NIPSNAP3B: variants seen among roughly 807,000 people sequenced by gnomAD.
NIPSNAP3B encodes nipsnap homolog 3B.
A neutral mutation model predicts 31.5 loss-of-function variants in NIPSNAP3B; 30 were observed. The ratio of observed to expected loss-of-function variants is 0.95; its 90% CI spans 0.71 to 1.29. NIPSNAP3B has a LOEUF of 1.29. Among genes scored for constraint, NIPSNAP3B ranks in the 50% most tolerant of loss-of-function variants. The pLI, the probability that NIPSNAP3B is intolerant of heterozygous loss-of-function variation, is 0.00. For synonymous variants in NIPSNAP3B, 106 were observed against 107.9 expected (o/e 0.98, Z 0.11); for missense variants, 269 against 300.7 (o/e 0.89, Z 0.78).
At position 104,770,231 on chromosome 9, in the gene NIPSNAP3B, C is replaced by T. The variant is rs532700671; in HGVS notation, c.431-618C>T. ...ATCTACCTTGTCCTCTAGTTTCTTT[C>T]TCTCCACCCATCTTATACTTCTGGC... On this transcript the variant is annotated intron_variant, in intron 3 of 5. Coordinates refer to ENST00000374762, the MANE Select transcript of NIPSNAP3B (RefSeq NM_018376.4). Among the ~76,000 whole-genome samples, 18 of 152,114 alleles carry T rather than the reference C, an allele frequency of 1.2e-4. No individual in the cohort carries two copies. The South Asian group carries it at 1.2e-3, about 11-fold the overall frequency.
chr9:104,769,726 A>AT (rs1477543538), intron 3 of NIPSNAP3B, among the ~76,000 whole-genome samples: 3 of 152,176 alleles, frequency 2.0e-5, no homozygotes, highest in Non-Finnish European at 4.4e-5. Context: ...ATATAAAAGT[A>AT]TTTTTTCCAC....
At chr9:104,772,718 A>G (rs775487776) in intron 4 of NIPSNAP3B, 104 bp from the exon 5 acceptor site, 99 of 1,362,278 alleles carry the variant, frequency 7.3e-5, no homozygotes, top group Non-Finnish European at 9.6e-5. Flanking sequence ...TTACCTTTTG[A>G]TTTTGATTTA....
chr9:104,786,966 G>T, the NIPSNAP3B span: 1 of 1,613,958 alleles, frequency 6.2e-7, no homozygotes. Context: ...CATGCCTGTG[G>T]TGGGTTCATC....
In NIPSNAP3B at chr9:104,766,530, A is replaced by G; in HGVS notation, c.266A>G (p.Lys89Arg). ...ACGAATAAAGTGTTTCATATTTGGA[A>G]GTATGGTAAAGAGTCATCCAGTTTT... ...GRTNKVFHIWKYDNFAHRAEV... is the reference protein window; with the variant it reads ...GRTNKVFHIWRYDNFAHRAEV... Residue 89 changes from lysine to arginine, a missense_variant, in exon 2 of 6, where the codon AAG (lysine) becomes AGG (arginine). Coordinates refer to ENST00000374762, the MANE Select transcript of NIPSNAP3B (RefSeq NM_018376.4). The G allele has an allele frequency of 6.2e-7, 1 of 1,612,344 alleles. No individual in the cohort carries two copies. Among genetic ancestry groups the G allele is most frequent in the South Asian group, 1.1e-5 (1 of 91,018 alleles).
rs1350731364 is a variant in NIPSNAP3B, at chr9:104,775,205, AAG to A, written c.*2135_*2136del. Among the ~76,000 whole-genome samples, 1 of 152,042 alleles carries A rather than the reference AAG, an allele frequency of 6.6e-6. No homozygotes were observed. Among genetic ancestry groups the A allele is most frequent in the South Asian group, 2.1e-4 (1 of 4,826 alleles). On this transcript the variant is annotated 3_prime_UTR_variant, in exon 6 of 6. Transcript: ENST00000374762. ...TTTTTTCCTATCTTTAAAAAAAAAA[AAG>A]AGTAAAATCACCCCATTTTTTTCCT...
downstream of NIPSNAP3B, chr9:104,781,011 A>C (rs1362243656): frequency 6.6e-6 from 1 of 152,636 alleles, no homozygotes; most frequent in Non-Finnish European, 1.5e-5. Context: ...ATTTCTGTAG[A>C]CCAACAGAAC....
chr9:104,788,414 T>G, the NIPSNAP3B span: 1 of 1,614,070 alleles, frequency 6.2e-7, no homozygotes. Context: ...GGCTTTCAGG[T>G]GCCCACAGTA....
At chr9:104,790,255 T>C in the NIPSNAP3B span, among the ~76,000 whole-genome samples, 2 of 152,314 alleles carry the variant, frequency 1.3e-5, no homozygotes, top group African/African-American at 2.4e-5. Flanking sequence ...TCAATTTGTA[T>C]GCTCTTTAGA....
chr9:104,765,646 CAA>C (rs890170360), intron 1 of NIPSNAP3B, among the ~76,000 whole-genome samples: 1 of 152,140 alleles, frequency 6.6e-6, no homozygotes, highest in African/African-American at 2.4e-5. Context: ...TAATTAGAAA[CAA>C]TGATGGAGAC....
At chr9:104,765,528 T>C (rs1386813951) in intron 1 of NIPSNAP3B, among the ~76,000 whole-genome samples, 2 of 152,242 alleles carry the variant, frequency 1.3e-5, no homozygotes, top group Non-Finnish European at 2.9e-5. Context: ...ACAGAAAATT[T>C]ACCCATTGGG....
At chr9:104,790,887 C>A in the NIPSNAP3B span, 2 of 1,402,458 alleles carry the variant, frequency 1.4e-6, no homozygotes, top group Non-Finnish European at 2.0e-6. Context: ...AAAACAAAGT[C>A]TTTGCAGCAA....
the NIPSNAP3B span, chr9:104,788,577 A>ATT: frequency 1.2e-6 from 2 of 1,614,126 alleles, no homozygotes; most frequent in South Asian, 2.2e-5. Flanking sequence ...ACTGCAAAGG[A>ATT]CAAGAAAACT....
chr9:104,783,993 C>CAA, the NIPSNAP3B span: 308 of 134,882 alleles, frequency 2.3e-3, no homozygotes, highest in East Asian at 3.4e-3. Context: ...TACACAGGAA[C>CAA]AAAAAAAAAA....
chr9:104,782,456 G>A (rs531076750), downstream of NIPSNAP3B: 2 of 152,256 alleles, frequency 1.3e-5, no homozygotes, highest in African/African-American at 4.8e-5. Context: ...GATATTGAAA[G>A]ATCACTTGAA....
At chr9:104,786,406 AAG>A in the NIPSNAP3B span, 1 of 1,609,762 alleles carries the variant, frequency 6.2e-7, no homozygotes, top group African/African-American at 1.3e-5. Context: ...GTAAAACAGA[AAG>A]AGGTTTTAGT....
At chr9:104,771,155 TA>T in intron 4 of NIPSNAP3B, 157 bp downstream of exon 4, 2 of 600,638 alleles carry the variant, frequency 3.3e-6, no homozygotes, top group South Asian at 2.7e-5. Flanking sequence ...TTTTACATCT[TA>T]TTTTTTTAGA....
At chr9:104,766,038 A>G (rs1252383220) in intron 1 of NIPSNAP3B, among the ~76,000 whole-genome samples, 2 of 152,224 alleles carry the variant, frequency 1.3e-5, no homozygotes, top group Admixed American at 6.5e-5. Context: ...TTCTTCGGTA[A>G]AGGAGTATCA....
chr9:104,771,523 C>A (rs1463640361), intron 4 of NIPSNAP3B, among the ~76,000 whole-genome samples: 1 of 152,132 alleles, frequency 6.6e-6, no homozygotes, highest in East Asian at 1.9e-4. Flanking sequence ...CTAGCTACAT[C>A]CATGTTCCCA....
At position 104,764,146 on chromosome 9, in the gene NIPSNAP3B, G is replaced by C. The variant is rs116660941; in HGVS notation, c.-95G>C. On this transcript the variant is annotated 5_prime_UTR_variant, in exon 1 of 6. Transcript: ENST00000374762. Reference sequence around the variant, plus strand: ...GTCCCGCCCCTGCCTGAGTTCGCCAGTGGTCCAGGAGCCGCTTTTTTCCAC... The same window carrying C: ...GTCCCGCCCCTGCCTGAGTTCGCCACTGGTCCAGGAGCCGCTTTTTTCCAC... 3,026 of 1,225,000 alleles carry C rather than the reference G, an allele frequency of 2.5e-3. 60 individuals carry two copies. In the African/African-American group the frequency reaches 0.039, roughly 16 times the overall value. The allele number at this position is 1,225,000 out of a possible 1,614,324, so 75.9% of individuals were successfully genotyped here.
Sources: gnomAD v4.1 joint callset for allele counts (sites outside exome capture counted in the v4.1 genomes callset) on GRCh38, gnomAD v4.1.1 for gene constraint, MANE v1.5 for transcripts, NCBI Gene and HGNC (gene_info 2026-07-23, HGNC 2026-07-21) for gene names.